The following NBEA variants were observed in gnomAD, a reference collection of about 807,000 sequenced individuals.
The protein encoded by NBEA is lysosomal-trafficking regulator 2.
In NBEA, 44 loss-of-function variants were observed where a neutral mutation model predicts 343.4. The ratio of observed to expected loss-of-function variants is 0.13; its 90% CI spans 0.10 to 0.16. The LOEUF is 0.16. NBEA is among the 10% of genes least tolerant of loss of function. The pLI is 1.00. For synonymous variants in NBEA, 1,175 were observed against 1,238.7 expected, an observed-to-expected ratio of 0.95 and a Z score of 1.08; for missense variants, 2,555 against 3,631.3, an observed-to-expected ratio of 0.70 and a Z score of 7.62.
chr13:35,262,041 T>G (rs1243425240), intron 34 of NBEA, among the ~76,000 whole-genome samples: 1 of 152,218 alleles, frequency 6.6e-6, no homozygotes, highest in African/African-American at 2.4e-5. Flanking sequence ...AGTGATTATA[T>G]TAAATGCCAG....
intron 17 of NBEA, among the ~76,000 whole-genome samples, chr13:35,125,019 T>G (rs1593429337): frequency 1.3e-5 from 2 of 152,166 alleles, no homozygotes; most frequent in South Asian, 4.2e-4. Context: ...AGAAAGCACA[T>G]TAAAAAATTT....
intron 41 of NBEA, among the ~76,000 whole-genome samples, chr13:35,507,259 T>C (rs1234706283): frequency 6.6e-6 from 1 of 152,156 alleles, no homozygotes; most frequent in Non-Finnish European, 1.5e-5. Flanking sequence ...AATTCTCTCC[T>C]TTTCTTCAAC....
At chr13:35,447,250 C>A (rs1452328427) in intron 39 of NBEA, among the ~76,000 whole-genome samples, 4 of 151,896 alleles carry the variant, frequency 2.6e-5, no homozygotes, top group African/African-American at 9.7e-5. Context: ...TTAACTTATG[C>A]TTATTTAAAA....
intron 41 of NBEA, among the ~76,000 whole-genome samples, chr13:35,545,008 G>C (rs1395753481): frequency 2.0e-5 from 3 of 152,088 alleles, no homozygotes; most frequent in African/African-American, 7.2e-5. Context: ...CAAACCTCAA[G>C]TATACATGAA....
chr13:34,975,836 CTTA>C (rs1486023564), intron 1 of NBEA, among the ~76,000 whole-genome samples: 1 of 152,168 alleles, frequency 6.6e-6, no homozygotes, highest in Non-Finnish European at 1.5e-5. Context: ...CTCAACATCA[CTTA>C]TTATCAGGGA....
chr13:35,484,842 G>T (rs964699101), intron 41 of NBEA, among the ~76,000 whole-genome samples: 4 of 151,950 alleles, frequency 2.6e-5, no homozygotes, highest in Non-Finnish European at 5.9e-5. Flanking sequence ...TAAAACCCCT[G>T]TTATTGATTA....
intron 41 of NBEA, among the ~76,000 whole-genome samples, chr13:35,546,160 G>A (rs1016030378): frequency 6.6e-6 from 1 of 152,164 alleles, no homozygotes; most frequent in African/African-American, 2.4e-5. Flanking sequence ...GTCACAGGGA[G>A]GGGACAGACA....
chr13:35,256,484 C>T (rs2032608922), intron 34 of NBEA, among the ~76,000 whole-genome samples: 1 of 152,210 alleles, frequency 6.6e-6, no homozygotes, highest in African/African-American at 2.4e-5. Flanking sequence ...TCCCAGGCTT[C>T]AGGCCATTCC....
At chr13:35,541,976 A>G (rs1271965838) in intron 41 of NBEA, among the ~76,000 whole-genome samples, 5 of 152,120 alleles carry the variant, frequency 3.3e-5, no homozygotes, top group Non-Finnish European at 7.4e-5. Flanking sequence ...TCAAAAATCA[A>G]TGAACTTGCC....
intron 41 of NBEA, among the ~76,000 whole-genome samples, chr13:35,479,738 A>C (rs2076044217): frequency 6.6e-6 from 1 of 152,186 alleles, no homozygotes; most frequent in Non-Finnish European, 1.5e-5. Context: ...AACTCCAGTT[A>C]TACCAGTCTT....
chr13:35,306,235 C>T (rs1233411015), intron 35 of NBEA, among the ~76,000 whole-genome samples: 1 of 152,080 alleles, frequency 6.6e-6, no homozygotes, highest in Non-Finnish European at 1.5e-5. Context: ...TGATGATATA[C>T]TTGCTAGGTT....
intron 1 of NBEA, among the ~76,000 whole-genome samples, chr13:34,949,580 A>G (rs941590081): frequency 6.6e-6 from 1 of 152,210 alleles, no homozygotes; most frequent in Non-Finnish European, 1.5e-5. Context: ...AAGGAATTCC[A>G]TTAGCAAGGA....
At chr13:35,240,624 A>T (rs1374790178) in intron 34 of NBEA, among the ~76,000 whole-genome samples, 2 of 151,882 alleles carry the variant, frequency 1.3e-5, no homozygotes, top group Non-Finnish European at 2.9e-5. Context: ...GGGAAAAGAG[A>T]TATAGGAAGA....
intron 39 of NBEA, among the ~76,000 whole-genome samples, chr13:35,448,276 A>G (rs2046142297): frequency 6.6e-6 from 1 of 152,190 alleles, no homozygotes; most frequent in African/African-American, 2.4e-5. Flanking sequence ...TATTTTGGTA[A>G]TACAAAAGTA....
At chr13:35,190,421 T>C (rs2072097278) in intron 30 of NBEA, among the ~76,000 whole-genome samples, 1 of 151,962 alleles carries the variant, frequency 6.6e-6, no homozygotes, top group Non-Finnish European at 1.5e-5. Flanking sequence ...AAGCGCAGGC[T>C]AAGAGAGAGT....
intron 41 of NBEA, among the ~76,000 whole-genome samples, chr13:35,481,122 T>G (rs2076103604): frequency 6.6e-6 from 1 of 152,008 alleles, no homozygotes; most frequent in South Asian, 2.1e-4. Flanking sequence ...CTCAGTTTTC[T>G]TCATCACCCT....
At chr13:35,096,197 GA>G (rs1422217616) in intron 10 of NBEA, among the ~76,000 whole-genome samples, 13 of 150,102 alleles carry the variant, frequency 8.7e-5, no homozygotes, top group African/African-American at 3.2e-4. Context: ...TTATTGTAAA[GA>G]TTTTTTTTTT....
At chr13:35,520,979 G>T (rs947604604) in intron 41 of NBEA, among the ~76,000 whole-genome samples, 21 of 151,968 alleles carry the variant, frequency 1.4e-4, no homozygotes. Flanking sequence ...TGTCCATAGA[G>T]AAGAAAATTC....
chr13:35,462,548 T>C (rs374389373), intron 40 of NBEA, among the ~76,000 whole-genome samples: 14 of 152,180 alleles, frequency 9.2e-5, no homozygotes, highest in African/African-American at 2.9e-4. Context: ...GAGCTTTATG[T>C]GCCTTAAGGA....
Sources: gnomAD v4.1 joint callset for allele counts (sites outside exome capture counted in the v4.1 genomes callset) on GRCh38, gnomAD v4.1.1 for gene constraint, MANE v1.5 for transcripts, NCBI Gene and HGNC (gene_info 2026-07-23, HGNC 2026-07-21) for gene names.